Variants in ARHGAP33 observed in about 807,000 individuals in gnomAD.
ARHGAP33 encodes the protein rho GTPase-activating protein 33.
ARHGAP33 carries 57 observed loss-of-function variants against 126.2 expected under a neutral mutation model. The observed-to-expected ratio is 0.45, with a 90% CI of 0.36 to 0.56. The LOEUF (loss-of-function observed/expected upper bound fraction) is 0.56. ARHGAP33 is among the 20% of genes least tolerant of loss of function. ARHGAP33 has a pLI of 0.00. For missense variants in ARHGAP33, 1,500 were observed against 1,748.3 expected (o/e 0.86, Z 2.53); for synonymous variants, 711 against 755.0 (o/e 0.94, Z 0.95).
At position 35,782,449 on chromosome 19, in the gene ARHGAP33, C is replaced by G. The variant is rs1342382269; in HGVS notation, c.1162C>G (p.Leu388Val). 2 of 1,613,634 alleles carry G rather than the reference C, an allele frequency of 1.2e-6. No individual in the cohort carries two copies. The highest frequency in any genetic ancestry group is 1.1e-5 in the South Asian group (1 of 91,078). The change falls in exon 13 of 21, where the codon CTC becomes GTC. Residue 388 changes from leucine to valine, a missense_variant. Coordinates refer to ENST00000007510, the MANE Select transcript of ARHGAP33 (RefSeq NM_001366178.1). This position sits in a 1 kb window ranked among gnomAD's most constrained non-coding sequence, Gnocchi z 4.1. ...GCAGGACATCCACAGCGTGTCCTCC[C>G]TCTGCAAGCTCTACTTCCGAGAGCT... ...FLQDIHSVSS[L>V]CKLYFRELPN...
At chr19:35,784,767 G>C in intron 16 of ARHGAP33, 186 bp from the exon 17 acceptor site, 1 of 1,361,378 alleles carries the variant, frequency 7.3e-7, no homozygotes, top group Non-Finnish European at 9.4e-7. Flanking sequence ...TCATCAGCTC[G>C]TCCCGCCCCG....
chr19:35,787,895 GC>G lies in ARHGAP33; in HGVS notation c.3336del (p.Asp1113ThrfsTer60). The G allele has an allele frequency of 1.9e-6, 3 of 1,593,236 alleles. No homozygotes were observed. Among genetic ancestry groups the G allele is most frequent in the Admixed American group, 3.5e-5 (2 of 56,580 alleles). ...TRSWSPFRSMPPDRLNASYGM... is the reference protein window; with the variant it reads ...TRSWSPFRSMXPDRLNASYGM... Reference sequence around the variant, plus strand: ...GCTCCTGGAGTCCCTTTCGCTCCATGCCCCCCGACAGGCTCAATGCCTCCTA... The same window carrying G: ...GCTCCTGGAGTCCCTTTCGCTCCATGCCCCCGACAGGCTCAATGCCTCCTA... On this transcript the variant is annotated frameshift_variant, in exon 21 of 21. Coordinates refer to ENST00000007510, the MANE Select transcript of ARHGAP33 (RefSeq NM_001366178.1). LOFTEE classifies it high-confidence loss of function.
In ARHGAP33 at chr19:35,788,627, C is replaced by A; in HGVS notation, c.*198C>A. 1 of 535,508 alleles carries A rather than the reference C, an allele frequency of 1.9e-6. No individual in the cohort carries two copies. The highest frequency in any genetic ancestry group is 3.2e-6 in the Non-Finnish European group (1 of 313,642). The allele number at this position is 535,508 out of a possible 1,614,324, so 33.2% of individuals were successfully genotyped here. ...ACTGAAGGGTCTGCCCATCCCCCCA[C>A]CACCCTCCATCCTGGGGGCCCTCGC... is the stretch of plus-strand genomic sequence containing the variant. On this transcript the variant is annotated 3_prime_UTR_variant, in exon 21 of 21. Transcript: ENST00000007510.
At position 35,775,564 on chromosome 19, in the gene ARHGAP33, G is replaced by T; in HGVS notation, c.-95G>T. 2 of 1,374,084 alleles carry T rather than the reference G, an allele frequency of 1.5e-6. No individual in the cohort carries two copies. The highest frequency in any genetic ancestry group is 1.6e-5 in the South Asian group (1 of 61,506). The allele number at this position is 1,374,084 out of a possible 1,614,324, so 85.1% of individuals were successfully genotyped here. On this transcript the variant is annotated 5_prime_UTR_variant, in exon 1 of 21. Coordinates refer to ENST00000007510, the MANE Select transcript of ARHGAP33 (RefSeq NM_001366178.1). ...CTGCAGCCGCCCGCGCGCGGCTCGCGCCCTCCCCTTTGTGTCGCCATGGCG... is the reference window on the plus strand; with the variant it reads ...CTGCAGCCGCCCGCGCGCGGCTCGCTCCCTCCCCTTTGTGTCGCCATGGCG...
In ARHGAP33 at chr19:35,788,481, G is replaced by T; in HGVS notation, c.*52G>T. 1 of 1,424,574 alleles carries T rather than the reference G, an allele frequency of 7.0e-7. No individual in the cohort carries two copies. Among genetic ancestry groups the T allele is most frequent in the Non-Finnish European group, 9.3e-7 (1 of 1,076,640 alleles). The allele number at this position is 1,424,574 out of a possible 1,614,324, so 88.2% of individuals were successfully genotyped here. A position where few individuals can be genotyped will look rare whatever the true frequency, so the allele number is the denominator to read the frequency against. ...CTTCCCTTCACCCTCACTGGATCTTGGCCCAACCAAATCCCTTGTTTTGTA... is the reference window on the plus strand; with the variant it reads ...CTTCCCTTCACCCTCACTGGATCTTTGCCCAACCAAATCCCTTGTTTTGTA... On this transcript the variant is annotated 3_prime_UTR_variant, in exon 21 of 21. Coordinates refer to ENST00000007510, the MANE Select transcript of ARHGAP33 (RefSeq NM_001366178.1).
Position 35,786,415 on chromosome 19 carries a change from C to A in ARHGAP33, c.1945C>A (p.Leu649Ile). The change falls in exon 20 of 21, where the codon CTC (leucine) becomes ATC (isoleucine). Residue 649 changes from leucine to isoleucine, a missense_variant and splice_region_variant. Physicochemically the swap from Leu to Ile is conservative, Grantham distance 5. Transcript: ENST00000007510. The surrounding 1 kb of genome is among the most constrained non-coding windows in gnomAD (Gnocchi z 7.0). The part of the protein sequence containing the change: ...SLSSQASGAG[L>I]QRLHRLRRPH... ...TCTCACTGACCCCACCCCTCCAGGC[C>A]TCCAGAGGCTGCACAGGCTGCGGCG... 6.5e-7 allele frequency: 1 copy of A among 1,531,006 alleles called. No individual in the cohort carries two copies. Among genetic ancestry groups the A allele is most frequent in the Non-Finnish European group, 8.7e-7 (1 of 1,143,798 alleles). The allele number at this position is 1,531,006 out of a possible 1,614,324, so 94.8% of individuals were successfully genotyped here.
rs764305026 is a variant in ARHGAP33, at chr19:35,788,303, C to T, written c.3738C>T (p.Gly1246=). Residue 1246 remains glycine (G), a synonymous_variant, in exon 21 of 21, where the codon GGC becomes GGT. Coordinates refer to ENST00000007510, the MANE Select transcript of ARHGAP33 (RefSeq NM_001366178.1). ...CCCCGCCAGCCTACGGAAGGGGGGG[C>T]GAGCTCCACCGAGGGTCCTTGTACA... ...RAAPPAYGRG[G]ELHRGSLYRN... 3.2e-5 allele frequency: 51 copies of T among 1,608,114 alleles called. No homozygotes were observed. The highest frequency in any genetic ancestry group is 2.1e-4 in the South Asian group (19 of 90,642).
intron 1 of ARHGAP33, among the ~76,000 whole-genome samples, chr19:35,776,007 C>A (rs566030195): frequency 6.6e-6 from 1 of 151,932 alleles, no homozygotes; most frequent in South Asian, 2.1e-4. Context: ...CATCCCAGCA[C>A]CTTCCTCGGC....
At chr19:35,779,659 C>A (rs1189330881) in intron 6 of ARHGAP33, among the ~76,000 whole-genome samples, 2 of 151,970 alleles carry the variant, frequency 1.3e-5, no homozygotes, top group Middle Eastern at 3.4e-3. Flanking sequence ...AAACTCCTGA[C>A]CTCAGGTGTT....
chr19:35,785,038 C>T lies in ARHGAP33; in HGVS notation c.1653C>T (p.Arg551=). Residue 551 remains arginine, a synonymous_variant, in exon 17 of 21, where the codon CGC becomes CGT. Transcript: ENST00000007510. ...TGACGCTGGAGGAAGCCCAGGCACG[C>T]ACCCAGGGCCGGCTGGGGACGCCCA... is the stretch of plus-strand genomic sequence containing the variant. ...RLLTLEEAQA[R]TQGRLGTPTE... is the part of the protein sequence containing the mutation. 4 of 1,552,916 alleles carry T rather than the reference C, an allele frequency of 2.6e-6. No individual in the cohort carries two copies. The highest frequency in any genetic ancestry group is 2.6e-6 in the Non-Finnish European group (3 of 1,148,478).
At chr19:35,784,633 AC>A in intron 16 of ARHGAP33, 1 of 256,434 alleles carries the variant, frequency 3.9e-6, no homozygotes, top group East Asian at 1.8e-4. Flanking sequence ...CCCCGGCCCC[AC>A]CCAGACTCCC....
chr19:35,780,659 T>C lies in ARHGAP33; in HGVS notation c.769+11T>C. The C allele has an allele frequency of 1.5e-6, 2 of 1,322,380 alleles. No homozygotes were observed. Among genetic ancestry groups the C allele is most frequent in the East Asian group, 4.1e-5 (1 of 24,410 alleles). 81.9% of individuals were successfully genotyped at this position (1,322,380 alleles called of 1,614,324 possible). A position where few individuals can be genotyped will look rare whatever the true frequency, so the allele number is the denominator to read the frequency against. On this transcript the variant is annotated intron_variant, in intron 9 of 20. Transcript: ENST00000007510. ...CGGGCCTGAAGGCGGGTAAGTGCCATGGATGGATGGGAGGTGTGGGGAGGG... is the reference window on the plus strand; with the variant it reads ...CGGGCCTGAAGGCGGGTAAGTGCCACGGATGGATGGGAGGTGTGGGGAGGG...
At chr19:35,780,879 C>T in intron 10 of ARHGAP33, 41 bp from the exon 11 acceptor site, 1 of 1,612,438 alleles carries the variant, frequency 6.2e-7, no homozygotes, top group Non-Finnish European at 8.5e-7. Flanking sequence ...CATGCTGACC[C>T]CACAAGACCT....
intron 20 of ARHGAP33, 27 bp downstream of exon 20, chr19:35,787,099 GT>G: frequency 6.3e-7 from 1 of 1,596,876 alleles, no homozygotes; most frequent in Non-Finnish European, 8.5e-7. Flanking sequence ...CCCCACCCCT[GT>G]CCCCGCCAGC....
Position 35,786,074 on chromosome 19 carries a change from G to A in ARHGAP33, c.1943-339G>A, listed in dbSNP as rs1568431361. On this transcript the variant is annotated intron_variant, in intron 19 of 20. Transcript: ENST00000007510. The surrounding 1 kb of genome is among the most constrained non-coding windows in gnomAD (Gnocchi z 7.0). Reference sequence around the variant, plus strand: ...GGCTGCTTATCCACCCCACCCAGCCGTGCCTCTGGGGGCTCTTCTGAGCCA... The same window carrying A: ...GGCTGCTTATCCACCCCACCCAGCCATGCCTCTGGGGGCTCTTCTGAGCCA... 8.5e-6 allele frequency: 10 copies of A among 1,180,872 alleles called. No homozygotes were observed. The highest frequency in any genetic ancestry group is 6.2e-5 in the South Asian group (2 of 32,068). The allele number at this position is 1,180,872 out of a possible 1,614,324, so 73.1% of individuals were successfully genotyped here.
rs1411479887 is a variant in ARHGAP33, at chr19:35,780,997, C to T, written c.907C>T (p.Arg303Trp). Residue 303 changes from arginine (R) to tryptophan (W), a missense_variant, in exon 11 of 21, where the codon CGG becomes TGG. Physicochemically the swap from Arg to Trp is moderately radical, Grantham distance 101. Coordinates refer to ENST00000007510, the MANE Select transcript of ARHGAP33 (RefSeq NM_001366178.1). Reference protein sequence around the residue: ...MRSRPSRQRLRQRGILRQRVF... With the variant: ...MRSRPSRQRLWQRGILRQRVF... ...CTCCCGCCCTTCTCGGCAGCGGCTG[C>T]GGCAGCGGGGAATCCTGCGACAGAG... The T allele has an allele frequency of 3.7e-6, 6 of 1,611,544 alleles. No individual in the cohort carries two copies. The highest frequency in any genetic ancestry group is 5.1e-6 in the Non-Finnish European group (6 of 1,179,888).
At position 35,787,369 on chromosome 19, in the gene ARHGAP33, T is replaced by G. The variant is rs201217635; in HGVS notation, c.2804T>G (p.Leu935Arg). ...PASQSPFHRS[L>R]SLEVGGEPLG... ...TCCCAATCCCCCTTCCACCGCTCGC[T>G]GTCTCTGGAGGTGGGCGGGGAGCCC... Residue 935 changes from leucine (L) to arginine (R), a missense_variant, in exon 21 of 21, where the codon CTG becomes CGG. Around this residue, in one of 6 missense-constraint regions of ARHGAP33, gnomAD observed 642 missense variants for 634.0 expected, o/e 1.01. Coordinates refer to ENST00000007510, the MANE Select transcript of ARHGAP33 (RefSeq NM_001366178.1). 1.6e-5 allele frequency: 26 copies of G among 1,609,610 alleles called. No homozygotes were observed. Among genetic ancestry groups the G allele is most frequent in the Non-Finnish European group, 2.1e-5 (25 of 1,177,672 alleles).
In ARHGAP33 at chr19:35,778,339, CG is replaced by C; in HGVS notation, c.253del (p.Val85CysfsTer3). 2 of 1,614,124 alleles carry C rather than the reference CG, an allele frequency of 1.2e-6. No individual in the cohort carries two copies. Among genetic ancestry groups the C allele is most frequent in the Non-Finnish European group, 1.7e-6 (2 of 1,180,002 alleles). ...SLSGENELVFGVQVTCQGRSW... is the reference protein window; with the variant it reads ...SLSGENELVFXVQVTCQGRSW... ...TCTCTGGAGAGAATGAGCTGGTGTTCGGGGTGCAGGTGACCTGTCAGGTGAG... is the reference window on the plus strand; with the variant it reads ...TCTCTGGAGAGAATGAGCTGGTGTTCGGGTGCAGGTGACCTGTCAGGTGAG... On this transcript the variant is annotated frameshift_variant, in exon 4 of 21. Transcript: ENST00000007510. LOFTEE classifies it high-confidence loss of function.
In ARHGAP33 at chr19:35,782,648, G is replaced by A. The variant is rs1256806803; in HGVS notation, c.1282G>A (p.Val428Ile). The A allele has an allele frequency of 6.2e-7, 1 of 1,613,476 alleles. No individual in the cohort carries two copies. Among genetic ancestry groups the A allele is most frequent in the Non-Finnish European group, 8.5e-7 (1 of 1,179,820 alleles). ...EEERLVRVHD[V>I]IQQLPPPHYR... ...GGAGCGTCTGGTGCGGGTGCACGATGTCATCCAGCAGCTGCCCCCACCACA... is the reference window on the plus strand; with the variant it reads ...GGAGCGTCTGGTGCGGGTGCACGATATCATCCAGCAGCTGCCCCCACCACA... The change falls in exon 14 of 21, where the codon GTC becomes ATC. Residue 428 changes from valine to isoleucine, a missense_variant. By Grantham distance (29) the Val-to-Ile change is conservative. Transcript: ENST00000007510. This position sits in a 1 kb window ranked among gnomAD's most constrained non-coding sequence, Gnocchi z 4.1.
Sources: gnomAD v4.1 joint callset for allele counts (sites outside exome capture counted in the v4.1 genomes callset) on GRCh38, gnomAD v4.1.1 for gene constraint, gnomAD v4.1.1 regional missense constraint, Gnocchi (gnomAD v3.1) non-coding constraint, MANE v1.5 for transcripts, NCBI Gene and HGNC (gene_info 2026-07-23, HGNC 2026-07-21) for gene names.